Variants in HPSE2 observed in about 807,000 individuals in gnomAD.
HPSE2 encodes the protein inactive heparanase-2.
Under a neutral mutation model 60.5 loss-of-function variants are expected in HPSE2, and 38 were observed. That is an observed-to-expected ratio of 0.63 (90% CI 0.48 to 0.82). HPSE2 has a LOEUF of 0.82. Ranked by LOEUF, HPSE2 falls within the 40% of genes least tolerant of loss-of-function variation. The pLI is 0.00. For synonymous variants in HPSE2, 295 were observed against 293.2 expected, an observed-to-expected ratio of 1.01 and a Z score of -0.06; for missense variants, 713 against 740.4, an observed-to-expected ratio of 0.96 and a Z score of 0.43.
At position 98,634,968 on chromosome 10, in the gene HPSE2, G is replaced by A. The variant is rs556191940; in HGVS notation, c.1098+6879C>T. On this transcript the variant is annotated intron_variant, in intron 7 of 11. Coordinates refer to ENST00000370552, the MANE Select transcript of HPSE2 (RefSeq NM_021828.5). Reference sequence around the variant, plus strand: ...TGATTTCCTTTCCCTCACAAACTAAGGTGGGTACTTCCCACCATGGACTCC... The same window carrying A: ...TGATTTCCTTTCCCTCACAAACTAAAGTGGGTACTTCCCACCATGGACTCC... Among the ~76,000 whole-genome samples the A allele has an allele frequency of 7.9e-5, 12 of 152,236 alleles. 2 individuals are homozygous for A. The highest frequency in any genetic ancestry group is 7.2e-5 in the African/African-American group (3 of 41,538).
chr10:99,305,449 T>C, the HPSE2 span, among the ~76,000 whole-genome samples: 1 of 152,182 alleles, frequency 6.6e-6, no homozygotes, highest in African/African-American at 2.4e-5. Flanking sequence ...ATAAACTGGA[T>C]TAAGGTGTTC....
intron 3 of HPSE2, among the ~76,000 whole-genome samples, chr10:98,907,459 G>T (rs1953855120): frequency 6.6e-6 from 1 of 152,098 alleles, no homozygotes; most frequent in South Asian, 2.1e-4. Flanking sequence ...AACATAGTGA[G>T]ACCTGCTCTC....
intron 8 of HPSE2, among the ~76,000 whole-genome samples, chr10:98,619,448 C>G (rs1352864477): frequency 6.6e-6 from 1 of 152,180 alleles, no homozygotes; most frequent in East Asian, 1.9e-4. Context: ...TTGATAAAGT[C>G]AAAGTTTTAA....
intron 3 of HPSE2, among the ~76,000 whole-genome samples, chr10:98,938,761 G>C (rs1214166056): frequency 7.0e-6 from 1 of 143,202 alleles, no homozygotes; most frequent in Non-Finnish European, 1.5e-5. Flanking sequence ...CTCAAGAAGA[G>C]CAACCCCAAG....
At chr10:98,530,578 C>T (rs1564943899) in intron 9 of HPSE2, among the ~76,000 whole-genome samples, 1 of 152,200 alleles carries the variant, frequency 6.6e-6, no homozygotes, top group Non-Finnish European at 1.5e-5. Context: ...TTTGTTAGCT[C>T]TCAGTCCAAA....
chr10:98,698,168 C>A (rs1948285549), intron 5 of HPSE2, among the ~76,000 whole-genome samples: 1 of 142,488 alleles, frequency 7.0e-6, no homozygotes, highest in Non-Finnish European at 1.5e-5. Context: ...ACTCTCCACC[C>A]CAAATCAACA....
chr10:98,644,602 T>G (rs1247574497), intron 6 of HPSE2, among the ~76,000 whole-genome samples: 10 of 152,236 alleles, frequency 6.6e-5, no homozygotes, highest in African/African-American at 2.4e-4. Context: ...CTGGCTTTGC[T>G]TGAACATATC....
rs886751010 is a variant in HPSE2, at chr10:99,217,513, T to C, written c.448+14835A>G. On this transcript the variant is annotated intron_variant, in intron 2 of 11. Transcript: ENST00000370552. ...TGCATTTTAGAACCACCTGGGGAGATTTTTTTTAAATCAAAATGCCTATGC... is the reference window on the plus strand; with the variant it reads ...TGCATTTTAGAACCACCTGGGGAGACTTTTTTTAAATCAAAATGCCTATGC... Among the ~76,000 whole-genome samples, 5 of 151,718 alleles carry C rather than the reference T, an allele frequency of 3.3e-5. No homozygotes were observed. The East Asian group carries it at 9.7e-4, about 29-fold the overall frequency.
At chr10:98,542,516 A>G (rs536879) in intron 9 of HPSE2, among the ~76,000 whole-genome samples, 130,458 of 151,562 alleles carry the variant, frequency 0.86, 57,103 homozygotes, top group East Asian at 1. Context: ...GGCTTCAGAC[A>G]ATCAAATTAC....
chr10:98,900,181 C>T (rs2134976070), intron 3 of HPSE2, among the ~76,000 whole-genome samples: 1 of 152,238 alleles, frequency 6.6e-6, no homozygotes, highest in African/African-American at 2.4e-5. Context: ...AGAAACAACT[C>T]AAATGTCCAT....
At position 98,821,650 on chromosome 10, in the gene HPSE2, C is replaced by T. The variant is rs559412076; in HGVS notation, c.611-77594G>A. 1.3e-5 allele frequency among the ~76,000 whole-genome samples: 2 copies of T among 152,148 alleles called. 1 individual carries two copies. The highest frequency in any genetic ancestry group is 4.1e-4 in the South Asian group (2 of 4,830). ...AACGTTTACACCAACAGCCGTTACGCCTTTGGGGTTGTTCGTGATTTTGGT... is the reference window on the plus strand; with the variant it reads ...AACGTTTACACCAACAGCCGTTACGTCTTTGGGGTTGTTCGTGATTTTGGT... On this transcript the variant is annotated intron_variant, in intron 3 of 11. Transcript: ENST00000370552.
chr10:98,943,454 A>G (rs952252373), intron 3 of HPSE2, among the ~76,000 whole-genome samples: 19 of 152,148 alleles, frequency 1.2e-4, no homozygotes, highest in African/African-American at 4.6e-4. Flanking sequence ...CTTGTGGTAG[A>G]CAGCCTCCAA....
chr10:98,891,942 T>C (rs902800554), intron 3 of HPSE2, among the ~76,000 whole-genome samples: 1 of 151,950 alleles, frequency 6.6e-6, no homozygotes, highest in African/African-American at 2.4e-5. Context: ...GGCTAACTTT[T>C]GTATTTTTAG....
intron 6 of HPSE2, among the ~76,000 whole-genome samples, chr10:98,690,421 G>A (rs7076031): frequency 0.35 from 53,452 of 151,680 alleles, 9,604 homozygotes; most frequent in Admixed American, 0.41. Context: ...GGTACCTGTA[G>A]TCCCAGCTAC....
intron 9 of HPSE2, among the ~76,000 whole-genome samples, chr10:98,580,836 ATGTGTGTGTG>A (rs1244040035): frequency 5.0e-5 from 6 of 119,526 alleles, no homozygotes; most frequent in East Asian, 4.3e-4. Flanking sequence ...ATATATATAT[ATGTGTGTGTG>A]TGTGTGTGTG....
chr10:98,465,162 TAAC>T (rs1940473161), intron 11 of HPSE2, among the ~76,000 whole-genome samples: 1 of 152,238 alleles, frequency 6.6e-6, no homozygotes, highest in South Asian at 2.1e-4. Context: ...ATGCTAAATA[TAAC>T]AATAATCTTT....
chr10:98,482,560 C>A, intron 11 of HPSE2, 76 bp downstream of exon 11: 1 of 1,573,552 alleles, frequency 6.4e-7, no homozygotes, highest in Non-Finnish European at 8.7e-7. Flanking sequence ...TTAGCAGCAA[C>A]CTTGGTGTCT....
intron 3 of HPSE2, among the ~76,000 whole-genome samples, chr10:99,061,367 A>G (rs1407246838): frequency 6.6e-6 from 1 of 152,216 alleles, no homozygotes; most frequent in Non-Finnish European, 1.5e-5. Flanking sequence ...AAAATTTTCC[A>G]AAAGTTGCCT....
chr10:98,722,861 T>A (rs1326455232), intron 4 of HPSE2, among the ~76,000 whole-genome samples: 2 of 152,128 alleles, frequency 1.3e-5, no homozygotes, highest in Admixed American at 6.6e-5. Context: ...ATAGGAGATT[T>A]TGGGCTGAGA....
Sources: gnomAD v4.1 joint callset for allele counts (sites outside exome capture counted in the v4.1 genomes callset) on GRCh38, gnomAD v4.1.1 for gene constraint, MANE v1.5 for transcripts, NCBI Gene and HGNC (gene_info 2026-07-23, HGNC 2026-07-21) for gene names.